The following DMXL1 variants were observed in gnomAD, a reference collection of about 807,000 sequenced individuals.
The protein encoded by DMXL1 is dmX-like protein 1.
Under a neutral mutation model 319.2 loss-of-function variants are expected in DMXL1, and 99 were observed. The observed-to-expected ratio is 0.31, with a 90% CI of 0.26 to 0.37. The LOEUF is 0.37. DMXL1 is among the 10% of genes least tolerant of loss of function. DMXL1 has a pLI of 1.00. For missense variants in DMXL1, 3,745 were observed against 3,595.6 expected, an observed-to-expected ratio of 1.04 and a Z score of -1.06; for synonymous variants, 1,385 against 1,235.2, an observed-to-expected ratio of 1.12 and a Z score of -2.54.
intron 5 of DMXL1, among the ~76,000 whole-genome samples, chr5:119,112,152 G>A (rs1477486635): frequency 6.6e-6 from 1 of 152,088 alleles, no homozygotes; most frequent in Non-Finnish European, 1.5e-5. Context: ...TAGTGGAAAC[G>A]AGGTTTCACC....
chr5:119,146,368 G>C (rs889211368), intron 15 of DMXL1, among the ~76,000 whole-genome samples: 5 of 151,792 alleles, frequency 3.3e-5, no homozygotes, highest in African/African-American at 1.2e-4. Context: ...ATGCAATTTG[G>C]GAGAAGACAA....
intron 37 of DMXL1, 63 bp from the exon 38 acceptor site, chr5:119,224,646 G>T: frequency 1.7e-6 from 1 of 590,786 alleles, no homozygotes; most frequent in Non-Finnish European, 2.8e-6. Flanking sequence ...TGAATTTCCT[G>T]TCACAATTTA....
chr5:119,186,432 A>G (rs113827073), intron 28 of DMXL1, among the ~76,000 whole-genome samples: 5,052 of 151,700 alleles, frequency 0.033, 135 homozygotes, highest in Non-Finnish European at 0.05. Context: ...TAATTTTTCT[A>G]TTTTTTTGTA....
chr5:119,097,193 C>G (rs1293701048), intron 1 of DMXL1, among the ~76,000 whole-genome samples: 1 of 152,214 alleles, frequency 6.6e-6, no homozygotes, highest in Non-Finnish European at 1.5e-5. Context: ...ATAGAAGGAC[C>G]ACCATTTAGG....
At chr5:119,197,641 C>A in intron 31 of DMXL1, 114 bp from the exon 32 acceptor site, 1 of 946,648 alleles carries the variant, frequency 1.1e-6, no homozygotes. Context: ...TATTTCATCT[C>A]AGTCTTTTTT....
At position 119,111,353 on chromosome 5, in the gene DMXL1, G is replaced by A. The variant is rs1232166465; in HGVS notation, c.497+1070G>A. ...AGATGTGCTGGACTTCAAAAATTTAGTATTAAAAATAGTGTAAAATATCTC... is the reference window on the plus strand; with the variant it reads ...AGATGTGCTGGACTTCAAAAATTTAATATTAAAAATAGTGTAAAATATCTC... On this transcript the variant is annotated intron_variant, in intron 5 of 43. Coordinates refer to ENST00000539542, the MANE Select transcript of DMXL1 (RefSeq NM_001290321.3). 2.6e-5 allele frequency among the ~76,000 whole-genome samples: 4 copies of A among 152,050 alleles called. No homozygotes were observed. The East Asian group carries it at 5.8e-4, about 22-fold the overall frequency.
chr5:119,075,426 G>A (rs1353151749), intron 1 of DMXL1, among the ~76,000 whole-genome samples: 1 of 151,654 alleles, frequency 6.6e-6, no homozygotes, highest in South Asian at 2.1e-4. Flanking sequence ...TTTTAGTAGA[G>A]ACGGGTTTCA....
chr5:119,167,011 A>G (rs1432566495), intron 22 of DMXL1, among the ~76,000 whole-genome samples: 1 of 152,190 alleles, frequency 6.6e-6, no homozygotes, highest in African/African-American at 2.4e-5. Context: ...TGGTAGAGAT[A>G]GGTAATTGAT....
At chr5:119,190,510 A>G (rs1418834339) in intron 29 of DMXL1, among the ~76,000 whole-genome samples, 1 of 152,236 alleles carries the variant, frequency 6.6e-6, no homozygotes, top group African/African-American at 2.4e-5. Context: ...CAAAGCATGC[A>G]GTTGTTTTGC....
chr5:119,134,734 G>T (rs1386724093), intron 13 of DMXL1, among the ~76,000 whole-genome samples: 1 of 152,188 alleles, frequency 6.6e-6, no homozygotes, highest in South Asian at 2.1e-4. Context: ...AACAGGAATA[G>T]AATTTTAATC....
chr5:119,203,315 G>A lies in DMXL1; in HGVS notation c.7746-4G>A, dbSNP rs563621380. The A allele has an allele frequency of 4.4e-5, 68 of 1,558,780 alleles. No homozygotes were observed. Among genetic ancestry groups the A allele is most frequent in the Non-Finnish European group, 5.9e-5 (68 of 1,156,394 alleles). ...ATCATTAAATTTGCTGTCTCTCTCT[G>A]TAGATCCAAACACCATCTGGCACTG... On this transcript the variant is annotated splice_region_variant and splice_polypyrimidine_tract_variant and intron_variant, in intron 32 of 43. Coordinates refer to ENST00000539542, the MANE Select transcript of DMXL1 (RefSeq NM_001290321.3).
intron 35 of DMXL1, among the ~76,000 whole-genome samples, chr5:119,217,659 A>G (rs1168087549): frequency 1.3e-5 from 2 of 152,204 alleles, no homozygotes; most frequent in Non-Finnish European, 2.9e-5. Flanking sequence ...GAAGATACCT[A>G]AAGGAGATAT....
chr5:119,072,064 CTT>C (rs1486702216), intron 1 of DMXL1, among the ~76,000 whole-genome samples: 1 of 152,000 alleles, frequency 6.6e-6, no homozygotes. Context: ...GGTCAAGTAT[CTT>C]TGTAGTTAAA....
At chr5:119,073,282 G>A (rs1277194760) in intron 1 of DMXL1, among the ~76,000 whole-genome samples, 1 of 152,022 alleles carries the variant, frequency 6.6e-6, no homozygotes, top group African/African-American at 2.4e-5. Flanking sequence ...GGCTGGTCTT[G>A]ACTTCCTGGG....
intron 1 of DMXL1, among the ~76,000 whole-genome samples, chr5:119,075,806 C>G (rs1006103075): frequency 2.6e-5 from 4 of 151,720 alleles, no homozygotes; most frequent in African/African-American, 9.7e-5. Flanking sequence ...CTCAAGTGAT[C>G]CTCCCGCCTT....
chr5:119,239,962 A>AG (rs1212920859), intron 41 of DMXL1, among the ~76,000 whole-genome samples: 1 of 150,468 alleles, frequency 6.6e-6, no homozygotes, highest in African/African-American at 2.4e-5. Context: ...TCCATCTCAA[A>AG]AAAAAAAAAA....
In DMXL1 at chr5:119,226,296, C is replaced by CA. The variant is rs201735806; in HGVS notation, c.8338+1528dup. Among the ~76,000 whole-genome samples, 1,300 of 152,174 alleles carry CA rather than the reference C, an allele frequency of 8.5e-3. 16 individuals carry two copies. Among genetic ancestry groups the CA allele is most frequent in the African/African-American group, 0.03 (1,233 of 41,520 alleles). On this transcript the variant is annotated intron_variant, in intron 38 of 43. Coordinates refer to ENST00000539542, the MANE Select transcript of DMXL1 (RefSeq NM_001290321.3). Reference sequence around the variant, plus strand: ...CTTTTCATGTCACAAACAAGTCCCACAGGTAGTAATTTAGTTTGATAACAA... The same window carrying CA: ...CTTTTCATGTCACAAACAAGTCCCACAAGGTAGTAATTTAGTTTGATAACAA...
intron 1 of DMXL1, among the ~76,000 whole-genome samples, chr5:119,075,231 CTTTTTTTTTCTTTT>C: frequency 7.8e-6 from 1 of 127,740 alleles, no homozygotes; most frequent in East Asian, 3.3e-4. Context: ...CTGTTAGTTT[CTTTTTTTTTCTTTT>C]TTTTTTTTTT....
chr5:119,087,815 T>G (rs916911935), intron 1 of DMXL1, among the ~76,000 whole-genome samples: 3 of 152,172 alleles, frequency 2.0e-5, no homozygotes, highest in Admixed American at 1.3e-4. Flanking sequence ...TATTATTTTT[T>G]TTTTGAGACA....
Sources: allele counts gnomAD v4.1 joint callset (sites outside exome capture counted in the v4.1 genomes callset), GRCh38; gene constraint gnomAD v4.1.1; transcripts MANE v1.5; gene names NCBI Gene and HGNC (gene_info 2026-07-23, HGNC 2026-07-21).